TNFSF10: variants seen among roughly 807,000 people sequenced by gnomAD.
TNFSF10 encodes TNF superfamily member 10, also known as tumor necrosis factor ligand superfamily member 10.
A neutral mutation model predicts 29.5 loss-of-function variants in TNFSF10; 13 were observed. That is an observed-to-expected ratio of 0.44 (90% CI 0.29 to 0.70). The LOEUF is 0.70. Ranked by LOEUF, TNFSF10 falls within the 30% of genes least tolerant of loss-of-function variation. TNFSF10 has a pLI of 0.13. For synonymous variants in TNFSF10, 111 were observed against 112.8 expected, an observed-to-expected ratio of 0.98 and a Z score of 0.10; for missense variants, 345 against 330.9, an observed-to-expected ratio of 1.04 and a Z score of -0.33.
intron 1 of TNFSF10, among the ~76,000 whole-genome samples, chr3:172,520,833 T>C (rs1169975241): frequency 6.6e-6 from 1 of 152,138 alleles, no homozygotes; most frequent in Non-Finnish European, 1.5e-5. Context: ...CAAAACAGCA[T>C]GTTACTGGTA....
At chr3:172,518,583 A>T in intron 1 of TNFSF10, 2 of 768,586 alleles carry the variant, frequency 2.6e-6, no homozygotes, top group Non-Finnish European at 3.8e-6. Flanking sequence ...AAACTTTCTC[A>T]GAGGGACACA....
At position 172,506,633 on chromosome 3, in the gene TNFSF10, T is replaced by C; in HGVS notation, c.705A>G (p.Ala235=). ...SARNSCWSKD[A]EYGLYSIYQG... Reference sequence around the variant, plus strand: ...GATAGATGGAATAGAGTCCATATTCTGCATCTTTAGACCAACAACTATTTC... The same window carrying C: ...GATAGATGGAATAGAGTCCATATTCCGCATCTTTAGACCAACAACTATTTC... Residue 235 remains alanine (A), a synonymous_variant, in exon 5 of 5, where the codon GCA becomes GCG. Transcript: ENST00000241261. 6.2e-7 allele frequency: 1 copy of C among 1,614,198 alleles called. No individual in the cohort carries two copies. Among genetic ancestry groups the C allele is most frequent in the Non-Finnish European group, 8.5e-7 (1 of 1,180,018 alleles).
intron 2 of TNFSF10, among the ~76,000 whole-genome samples, chr3:172,512,153 T>A (rs567026199): frequency 1.3e-5 from 2 of 152,200 alleles, no homozygotes; most frequent in Non-Finnish European, 2.9e-5. Context: ...TCTCTCAGGA[T>A]GCCCACAGAC....
At chr3:172,516,708 G>C (rs1713451427) in intron 1 of TNFSF10, among the ~76,000 whole-genome samples, 1 of 152,154 alleles carries the variant, frequency 6.6e-6, no homozygotes, top group African/African-American at 2.4e-5. Context: ...ACTGGCCATG[G>C]ACTTAGGTAC....
intron 1 of TNFSF10, among the ~76,000 whole-genome samples, chr3:172,517,045 G>C (rs959943766): frequency 6.6e-6 from 1 of 152,212 alleles, no homozygotes; most frequent in African/African-American, 2.4e-5. Flanking sequence ...GGGGCAAGAA[G>C]GTGTGCATAA....
At chr3:172,517,834 G>C in intron 1 of TNFSF10, 1 of 984,396 alleles carries the variant, frequency 1.0e-6, no homozygotes. Context: ...ACCATCTAGA[G>C]ATCACATTGT....
chr3:172,511,693 C>T, intron 2 of TNFSF10, 34 bp from the exon 3 acceptor site: 2 of 1,590,490 alleles, frequency 1.3e-6, no homozygotes, highest in East Asian at 2.3e-5. Flanking sequence ...TTGTTAATTT[C>T]CCTAAAAATT....
At chr3:172,521,017 TG>T (rs1713668735) in intron 1 of TNFSF10, among the ~76,000 whole-genome samples, 1 of 152,142 alleles carries the variant, frequency 6.6e-6, no homozygotes, top group African/African-American at 2.4e-5. Context: ...AAACAGAAAC[TG>T]GGCCCCTTCC....
At chr3:172,522,668 A>G (rs115861969) in intron 1 of TNFSF10, among the ~76,000 whole-genome samples, 1,901 of 152,346 alleles carry the variant, frequency 0.012, 21 homozygotes, top group Admixed American at 0.021. Flanking sequence ...GCTTTTACAA[A>G]AGGACATTCT....
intron 3 of TNFSF10, 112 bp from the exon 4 acceptor site, chr3:172,509,433 T>A: frequency 1.5e-6 from 1 of 680,038 alleles, no homozygotes; most frequent in Non-Finnish European, 2.4e-6. Flanking sequence ...GCTTCCAAAG[T>A]TGATTCTATG....
intron 1 of TNFSF10, chr3:172,518,456 T>G (rs1390442185): frequency 7.8e-7 from 1 of 1,289,238 alleles, no homozygotes; most frequent in Admixed American, 2.3e-5. Context: ...TGGCAATCAT[T>G]TTCTGCAAAC....
chr3:172,519,731 G>T (rs769989918), intron 1 of TNFSF10, among the ~76,000 whole-genome samples: 2 of 152,078 alleles, frequency 1.3e-5, no homozygotes, highest in Non-Finnish European at 1.5e-5. Context: ...AAAAATTTCC[G>T]ACTGATTGGG....
chr3:172,522,825 T>C (rs1713757057), intron 1 of TNFSF10, among the ~76,000 whole-genome samples: 1 of 152,258 alleles, frequency 6.6e-6, no homozygotes, highest in East Asian at 1.9e-4. Context: ...CATTTTTGTA[T>C]GCTGAAAATG....
chr3:172,523,378 T>C lies in TNFSF10; in HGVS notation c.7A>G (p.Met3Val), dbSNP rs779013761. 4.4e-5 allele frequency: 71 copies of C among 1,613,476 alleles called. No individual in the cohort carries two copies. The highest frequency in any genetic ancestry group is 1.7e-5 in the Admixed American group (1 of 59,974). Residue 3 changes from methionine (M) to valine (V), a missense_variant, in exon 1 of 5, where the codon ATG becomes GTG. Physicochemically the swap from Met to Val is conservative, Grantham distance 21. Coordinates refer to ENST00000241261, the MANE Select transcript of TNFSF10 (RefSeq NM_003810.4). ...CTGGGTCCCCCCTGGACCTCCATCA[T>C]AGCCATGATCCTGTCAGAGTCTGAC... MA[M>V]MEVQGGPSLG...
At chr3:172,507,589 A>G (rs937644257) in intron 4 of TNFSF10, 1 of 152,356 alleles carries the variant, frequency 6.6e-6, no homozygotes, top group Admixed American at 6.5e-5. Context: ...CTTTTAGCCT[A>G]TCTCCACGAT....
rs549869368 is a variant in TNFSF10 at position 172,509,317 on chromosome 3, C to T, written c.318G>A (p.Lys106=). ...TCACTAGGGGAGAAATATTTTGTTG[C>T]TTTTCTAAAAGAGAAATGATAAAGG... ...SEETISTVQE[K]QQNISPLVRE... is the part of the protein sequence containing the mutation. Residue 106 remains lysine, a synonymous_variant, in exon 4 of 5, where the codon AAG becomes AAA. Transcript: ENST00000241261. 25 of 1,612,972 alleles carry T rather than the reference C, an allele frequency of 1.5e-5. No homozygotes were observed. In the South Asian group the frequency reaches 2.6e-4, roughly 17 times the overall value.
chr3:172,517,714 A>G, intron 1 of TNFSF10: 1 of 985,166 alleles, frequency 1.0e-6, no homozygotes, highest in Non-Finnish European at 1.2e-6. Context: ...TGTGTTCTTT[A>G]AATCTGTATG....
In TNFSF10 at chr3:172,521,916, C is replaced by T. The variant is rs565485363; in HGVS notation, c.132+1337G>A. Among the ~76,000 whole-genome samples, 4 of 152,254 alleles carry T rather than the reference C, an allele frequency of 2.6e-5. No individual in the cohort carries two copies. In the South Asian group the frequency reaches 8.3e-4, roughly 32 times the overall value. ...GCAGAGACATGGATGAAGCTGGAAG[C>T]CATCATTCTCAGCAAACTAACACAG... On this transcript the variant is annotated intron_variant, in intron 1 of 4. Coordinates refer to ENST00000241261, the MANE Select transcript of TNFSF10 (RefSeq NM_003810.4).
intron 1 of TNFSF10, among the ~76,000 whole-genome samples, chr3:172,516,098 T>TA (rs927905716): frequency 3.3e-5 from 5 of 151,766 alleles, no homozygotes; most frequent in African/African-American, 4.8e-5. Context: ...CCATCTCTAC[T>TA]AAAAAAATAC....
Sources: gnomAD v4.1 joint callset for allele counts (sites outside exome capture counted in the v4.1 genomes callset) on GRCh38, gnomAD v4.1.1 for gene constraint, MANE v1.5 for transcripts, NCBI Gene and HGNC (gene_info 2026-07-23, HGNC 2026-07-21) for gene names.